Variants in ATP2A2 observed in about 807,000 individuals in gnomAD.
ATP2A2 encodes ATPase sarcoplasmic/endoplasmic reticulum Ca2+ transporting 2.
In ATP2A2, 14 loss-of-function variants were observed where a neutral mutation model predicts 109.3. That is an observed-to-expected ratio of 0.13 (90% CI 0.08 to 0.20). ATP2A2 has a LOEUF of 0.20. ATP2A2 is among the 10% of genes least tolerant of loss of function. The pLI, the probability that ATP2A2 is intolerant of heterozygous loss-of-function variation, is 1.00. For synonymous variants in ATP2A2, 506 were observed against 490.9 expected, an observed-to-expected ratio of 1.03 and a Z score of -0.41; for missense variants, 657 against 1,321.6, an observed-to-expected ratio of 0.50 and a Z score of 7.80.
At chr12:110,295,702 A>G (rs1873893659) in intron 4 of ATP2A2, among the ~76,000 whole-genome samples, 1 of 152,178 alleles carries the variant, frequency 6.6e-6, no homozygotes, top group African/African-American at 2.4e-5. Context: ...GATTCTCTTT[A>G]GGCTGGTTTG....
chr12:110,304,461 C>CT (rs1413502111), intron 5 of ATP2A2, among the ~76,000 whole-genome samples: 1 of 152,110 alleles, frequency 6.6e-6, no homozygotes, highest in East Asian at 1.9e-4. Context: ...ATGTCATTGT[C>CT]TATCGTTTTA....
chr12:110,342,160 G>A lies in ATP2A2; in HGVS notation c.2098-68G>A. The A allele has an allele frequency of 6.5e-7, 1 of 1,549,338 alleles. No homozygotes were observed. ...ATTTTCCTCCTGCTTCCCATTCAGTGGGCTTTTGCCTAGGGGTATGAATGT... is the reference window on the plus strand; with the variant it reads ...ATTTTCCTCCTGCTTCCCATTCAGTAGGCTTTTGCCTAGGGGTATGAATGT... On this transcript the variant is annotated intron_variant, in intron 14 of 19. Transcript: ENST00000539276. This position sits in a 1 kb window ranked among gnomAD's most constrained non-coding sequence, Gnocchi z 4.6.
intron 5 of ATP2A2, among the ~76,000 whole-genome samples, chr12:110,314,596 T>TC (rs1876461000): frequency 6.6e-6 from 1 of 152,178 alleles, no homozygotes; most frequent in Non-Finnish European, 1.5e-5. Flanking sequence ...CTTGAACAAG[T>TC]ACCTTTTAGT....
Position 110,350,133 on chromosome 12 carries a change from G to A in ATP2A2, c.*3663G>A. ...GCTACCCTGTGTGGGCGGCACCTCAGGGACAGTAAATCAGAAATGCTGGTC... is the reference window on the plus strand; with the variant it reads ...GCTACCCTGTGTGGGCGGCACCTCAAGGACAGTAAATCAGAAATGCTGGTC... On this transcript the variant is annotated 3_prime_UTR_variant, in exon 20 of 20. Transcript: ENST00000539276. 2 of 1,529,608 alleles carry A rather than the reference G, an allele frequency of 1.3e-6. No individual in the cohort carries two copies. The highest frequency in any genetic ancestry group is 1.8e-6 in the Non-Finnish European group (2 of 1,139,644). 94.8% of individuals were successfully genotyped at this position (1,529,608 alleles called of 1,614,324 possible). A position where few individuals can be genotyped will look rare whatever the true frequency, so the allele number is the denominator to read the frequency against.
intron 10 of ATP2A2, 122 bp from the exon 11 acceptor site, chr12:110,333,890 A>T: frequency 7.7e-7 from 1 of 1,295,230 alleles, no homozygotes; most frequent in Non-Finnish European, 1.1e-6. Flanking sequence ...AGGAGGATAA[A>T]AATGGCCTTA....
Position 110,347,566 on chromosome 12 carries a change from G to A in ATP2A2, c.*1096G>A, listed in dbSNP as rs1300757082. 2.4e-6 allele frequency: 3 copies of A among 1,249,090 alleles called. No individual in the cohort carries two copies. In the African/African-American group the frequency reaches 4.7e-5, roughly 19 times the overall value. 77.4% of individuals were successfully genotyped at this position (1,249,090 alleles called of 1,614,324 possible). A position where few individuals can be genotyped will look rare whatever the true frequency, so the allele number is the denominator to read the frequency against. On this transcript the variant is annotated 3_prime_UTR_variant, in exon 20 of 20. Coordinates refer to ENST00000539276, the MANE Select transcript of ATP2A2 (RefSeq NM_170665.4). ...GTATAGAGAACATAAGGGCAAGTGTGTATGTGTGTGTATGTGTGTGTTTTG... is the reference window on the plus strand; with the variant it reads ...GTATAGAGAACATAAGGGCAAGTGTATATGTGTGTGTATGTGTGTGTTTTG...
rs1412314246 is a variant in ATP2A2 at position 110,343,488 on chromosome 12, A to G, written c.2521+54A>G. The G allele has an allele frequency of 1.0e-5, 16 of 1,590,770 alleles. No homozygotes were observed. The East Asian group carries it at 3.4e-4, about 33-fold the overall frequency. ...TTTTAAACAAAATGTTTGTGAGCTG[A>G]AATTTTGTAAATTCATCCCTTAAAA... On this transcript the variant is annotated intron_variant, in intron 16 of 19. Coordinates refer to ENST00000539276, the MANE Select transcript of ATP2A2 (RefSeq NM_170665.4).
chr12:110,294,566 T>C (rs776565121), intron 4 of ATP2A2, among the ~76,000 whole-genome samples: 1 of 151,950 alleles, frequency 6.6e-6, no homozygotes, highest in Non-Finnish European at 1.5e-5. Flanking sequence ...GAGGCAGGGC[T>C]TGAACCTAGG....
At chr12:110,281,164 G>C (rs995243397), upstream of ATP2A2, 1 of 149,356 alleles carries the variant, frequency 6.7e-6, no homozygotes, top group Non-Finnish European at 1.5e-5. Context: ...CGCCGCCCGC[G>C]CCGCGCTGGG....
chr12:110,347,639 T>C lies in ATP2A2; in HGVS notation c.*1169T>C. On this transcript the variant is annotated 3_prime_UTR_variant, in exon 20 of 20. Transcript: ENST00000539276. ...ACCAAATGAACATATTGTATAGAACTATTTTTATTTGAATGTGGCACTAAC... is the reference window on the plus strand; with the variant it reads ...ACCAAATGAACATATTGTATAGAACCATTTTTATTTGAATGTGGCACTAAC... 8.5e-7 allele frequency: 1 copy of C among 1,180,372 alleles called. No homozygotes were observed. Among genetic ancestry groups the C allele is most frequent in the Non-Finnish European group, 1.1e-6 (1 of 936,714 alleles). 73.1% of individuals were successfully genotyped at this position (1,180,372 alleles called of 1,614,324 possible).
intron 3 of ATP2A2, among the ~76,000 whole-genome samples, chr12:110,289,890 G>A (rs1357652434): frequency 6.6e-6 from 1 of 152,160 alleles, no homozygotes; most frequent in African/African-American, 2.4e-5. Context: ...ATTGTGGTGA[G>A]TTCTCTCTTT....
chr12:110,332,451 G>C, intron 8 of ATP2A2, 146 bp from the exon 9 acceptor site: 1 of 741,148 alleles, frequency 1.3e-6, no homozygotes, highest in Non-Finnish European at 2.4e-6. Context: ...TGCTGATGCT[G>C]AGTGAGCCTC....
intron 8 of ATP2A2, 42 bp from the exon 9 acceptor site, chr12:110,332,555 A>T (rs753992751): frequency 2.6e-6 from 4 of 1,512,222 alleles, no homozygotes; most frequent in Middle Eastern, 1.7e-4. Context: ...AGCATTTTTT[A>T]AAAATCCCTT....
chr12:110,282,544 CTCT>C (rs1872243583), intron 1 of ATP2A2, 57 bp from the exon 2 acceptor site: 282 of 1,581,526 alleles, frequency 1.8e-4, no homozygotes, highest in Non-Finnish European at 2.2e-4. Flanking sequence ...AAATGTCTCT[CTCT>C]TTTTTTTTTT....
At position 110,299,589 on chromosome 12, in the gene ATP2A2, G is replaced by C. The variant is rs528783010; in HGVS notation, c.463+2852G>C. 1.5e-3 allele frequency among the ~76,000 whole-genome samples: 224 copies of C among 152,236 alleles called. 1 individual carries two copies. The highest frequency in any genetic ancestry group is 2.7e-3 in the Non-Finnish European group (183 of 68,016). On this transcript the variant is annotated intron_variant, in intron 5 of 19. Coordinates refer to ENST00000539276, the MANE Select transcript of ATP2A2 (RefSeq NM_170665.4). ...TCTGATCGTGAGTAGTTCAAAGAGT[G>C]AGCCTCTGACTTAGTTACAAAACAG...
chr12:110,291,127 C>T (rs971868102), intron 3 of ATP2A2, among the ~76,000 whole-genome samples: 5 of 151,852 alleles, frequency 3.3e-5, no homozygotes, highest in Non-Finnish European at 7.4e-5. Context: ...AGGCTGGTCT[C>T]GAGCTCCAGA....
chr12:110,316,913 A>T (rs1876727186), intron 5 of ATP2A2, among the ~76,000 whole-genome samples: 1 of 152,200 alleles, frequency 6.6e-6, no homozygotes, highest in South Asian at 2.1e-4. Flanking sequence ...CCGGGTTGGG[A>T]TGCCAAAGAA....
chr12:110,341,916 A>C (rs1458209582), intron 14 of ATP2A2, among the ~76,000 whole-genome samples: 1 of 152,172 alleles, frequency 6.6e-6, no homozygotes, highest in East Asian at 1.9e-4. Flanking sequence ...TTTCTACTTG[A>C]AATTTATCCA....
In ATP2A2 at chr12:110,346,916, A is replaced by G; in HGVS notation, c.*446A>G. 1.8e-6 allele frequency: 2 copies of G among 1,088,238 alleles called. No homozygotes were observed. Among genetic ancestry groups the G allele is most frequent in the Non-Finnish European group, 2.2e-6 (2 of 892,946 alleles). 67.4% of individuals were successfully genotyped at this position (1,088,238 alleles called of 1,614,324 possible). ...GGATTTAATTTGATATCACAGTCTA[A>G]TTTTTATTCATAAGCCAATTTTTCT... On this transcript the variant is annotated 3_prime_UTR_variant, in exon 20 of 20. Coordinates refer to ENST00000539276, the MANE Select transcript of ATP2A2 (RefSeq NM_170665.4).
Sources: gnomAD v4.1 joint callset for allele counts (sites outside exome capture counted in the v4.1 genomes callset) on GRCh38, gnomAD v4.1.1 for gene constraint, Gnocchi (gnomAD v3.1) non-coding constraint, MANE v1.5 for transcripts, NCBI Gene and HGNC (gene_info 2026-07-23, HGNC 2026-07-21) for gene names.